Variants in NCKAP1 observed in about 807,000 individuals in gnomAD.
NCKAP1 encodes the protein nck-associated protein 1.
NCKAP1 carries 21 observed loss-of-function variants against 151.2 expected under a neutral mutation model. The ratio of observed to expected loss-of-function variants is 0.14; its 90% CI spans 0.10 to 0.20. NCKAP1 has a LOEUF of 0.20. Among genes scored for constraint, NCKAP1 ranks in the 10% least tolerant of loss-of-function variants. The probability of loss-of-function intolerance (pLI) is 1.00; values close to 1 mark genes in which losing one functional copy is unlikely to be tolerated. For synonymous variants in NCKAP1, 484 were observed against 451.8 expected, an observed-to-expected ratio of 1.07 and a Z score of -0.90; for missense variants, 933 against 1,352.1, an observed-to-expected ratio of 0.69 and a Z score of 4.86.
In NCKAP1 at chr2:182,994,896, G is replaced by A. The variant is rs1575054194; in HGVS notation, c.742-9C>T. On this transcript the variant is annotated splice_polypyrimidine_tract_variant and intron_variant, in intron 7 of 30. Transcript: ENST00000361354. Reference sequence around the variant, plus strand: ...AGGTATTCACAAGGCATCTTAAAAAGAGAATATATACATTTGCAGTTAAAA... The same window carrying A: ...AGGTATTCACAAGGCATCTTAAAAAAAGAATATATACATTTGCAGTTAAAA... The A allele has an allele frequency of 1.3e-6, 2 of 1,593,416 alleles. No individual in the cohort carries two copies. Among genetic ancestry groups the A allele is most frequent in the African/African-American group, 2.7e-5 (2 of 74,352 alleles).
chr2:182,987,739 A>T (rs185433051), intron 9 of NCKAP1, among the ~76,000 whole-genome samples: 35 of 152,278 alleles, frequency 2.3e-4, no homozygotes, highest in African/African-American at 8.2e-4. Context: ...CATCTTGCAC[A>T]TAATATTTCA....
intron 2 of NCKAP1, among the ~76,000 whole-genome samples, chr2:183,020,230 A>G (rs999589579): frequency 9.2e-5 from 14 of 152,048 alleles, no homozygotes; most frequent in African/African-American, 1.9e-4. Flanking sequence ...TGGGAGGCCA[A>G]TCTGGGAGGA....
At chr2:183,025,156 C>A (rs1352099248) in intron 1 of NCKAP1, among the ~76,000 whole-genome samples, 1 of 151,976 alleles carries the variant, frequency 6.6e-6, no homozygotes, top group Non-Finnish European at 1.5e-5. Flanking sequence ...TTCTAAGTAG[C>A]GAGTTTTAGT....
At chr2:183,029,589 A>G (rs1698966206) in intron 1 of NCKAP1, among the ~76,000 whole-genome samples, 1 of 152,144 alleles carries the variant, frequency 6.6e-6, no homozygotes, top group South Asian at 2.1e-4. Flanking sequence ...GCGGAGGCCA[A>G]GGCAGGAGAA....
chr2:182,991,761 C>T (rs1001834667), intron 8 of NCKAP1, among the ~76,000 whole-genome samples: 13 of 151,678 alleles, frequency 8.6e-5, no homozygotes, highest in African/African-American at 3.2e-4. Flanking sequence ...TAAAATTGGA[C>T]TATCAATATA....
intron 2 of NCKAP1, among the ~76,000 whole-genome samples, chr2:183,016,178 C>T (rs1274838384): frequency 6.6e-6 from 1 of 152,170 alleles, no homozygotes; most frequent in Non-Finnish European, 1.5e-5. Flanking sequence ...ATTCACTTTT[C>T]ATCCTAAATT....
In NCKAP1 at chr2:182,925,719, C is replaced by A; in HGVS notation, c.3370G>T (p.Val1124Phe). ...AGGTAATTTTATGCAGAAGATGTAA[C>A]ACTTTGTTTGTAGACAGCATGGTAT... Reference protein sequence around the residue: ...NAYHAVYKQSVTSSA With the variant: ...NAYHAVYKQSFTSSA The change falls in exon 31 of 31, where the codon GTT (valine) becomes TTT (phenylalanine). Residue 1124 changes from valine (V) to phenylalanine (F), a missense_variant. Val to Phe is a conservative substitution (Grantham distance 50, BLOSUM62 -1). Transcript: ENST00000361354. 1 of 1,559,132 alleles carries A rather than the reference C, an allele frequency of 6.4e-7. No individual in the cohort carries two copies. The highest frequency in any genetic ancestry group is 2.4e-5 in the East Asian group (1 of 41,996).
At chr2:182,941,907 T>G (rs1469909172) in intron 24 of NCKAP1, among the ~76,000 whole-genome samples, 163 bp downstream of exon 24, 2 of 152,138 alleles carry the variant, frequency 1.3e-5, no homozygotes, top group Non-Finnish European at 2.9e-5. Flanking sequence ...ACACACACAC[T>G]TATATGATCC....
Position 183,003,993 on chromosome 2 carries a change from AT to A in NCKAP1, c.220-669del, listed in dbSNP as rs575335769. 1.3e-4 allele frequency among the ~76,000 whole-genome samples: 20 copies of A among 152,286 alleles called. No homozygotes were observed. The South Asian group carries it at 3.7e-3, about 28-fold the overall frequency. The stretch of plus-strand genomic sequence containing the variant: ...CAAAAGTCCCAATTTTTCTTTTAAA[AT>A]CAACTATTGATATAATTTCTAAAAG... On this transcript the variant is annotated intron_variant, in intron 2 of 30. Coordinates refer to ENST00000361354, the MANE Select transcript of NCKAP1 (RefSeq NM_013436.5).
chr2:183,033,276 T>C (rs750750210), intron 1 of NCKAP1, among the ~76,000 whole-genome samples: 3 of 152,344 alleles, frequency 2.0e-5, no homozygotes, highest in Middle Eastern at 3.4e-3. Flanking sequence ...CCATCACAAG[T>C]TGGGGACCCT....
intron 8 of NCKAP1, among the ~76,000 whole-genome samples, chr2:182,994,491 T>C (rs1208009861): frequency 6.6e-6 from 1 of 151,838 alleles, no homozygotes; most frequent in Non-Finnish European, 1.5e-5. Context: ...ATACAAAAAT[T>C]AGCCAGGCAT....
Position 182,964,840 on chromosome 2 carries a change from T to A in NCKAP1, c.1629-32A>T, listed in dbSNP as rs554193334. 1.3e-4 allele frequency: 198 copies of A among 1,549,102 alleles called. 4 individuals carry two copies. Among genetic ancestry groups the A allele is most frequent in the Middle Eastern group, 1.2e-3 (6 of 5,064 alleles). On this transcript the variant is annotated intron_variant, in intron 16 of 30. Coordinates refer to ENST00000361354, the MANE Select transcript of NCKAP1 (RefSeq NM_013436.5). ...AAACAAAAATCAGAATCACAATTTT[T>A]ACATTTAAAGTAAGTTTTCTGATAT... is the stretch of plus-strand genomic sequence containing the variant.
rs1033154284 is a variant in NCKAP1 at position 182,920,597 on chromosome 2, G to A, written c.*5105C>T. The A allele has an allele frequency of 2.0e-5, 3 of 152,272 alleles. No individual in the cohort carries two copies. Among genetic ancestry groups the A allele is most frequent in the African/African-American group, 7.2e-5 (3 of 41,450 alleles). The allele number at this position is 152,272 out of a possible 1,614,324, so 9.4% of individuals were successfully genotyped here. On this transcript the variant is annotated 3_prime_UTR_variant, in exon 31 of 31. Transcript: ENST00000361354. ...CAATCAGTGTGCTGGCATATTTGGT[G>A]TTTGTGGAGGGTCTGCTTTCTGGTT...
intron 15 of NCKAP1, among the ~76,000 whole-genome samples, chr2:182,971,817 A>G (rs1442833434): frequency 6.6e-6 from 1 of 152,222 alleles, no homozygotes; most frequent in South Asian, 2.1e-4. Flanking sequence ...TGGGGAAAGG[A>G]CAGTCTCTTC....
intron 6 of NCKAP1, among the ~76,000 whole-genome samples, chr2:182,998,857 AGGGGGG>A (rs1698324811): frequency 2.0e-5 from 2 of 101,562 alleles, no homozygotes; most frequent in Non-Finnish European, 3.6e-5. Flanking sequence ...AAAAAAAAAA[AGGGGGG>A]AAGGAAGGAA....
Position 182,996,274 on chromosome 2 carries a change from A to G in NCKAP1, c.604-436T>C, listed in dbSNP as rs570260960. Reference sequence around the variant, plus strand: ...CAACATGCTTTATATTTCTCTAAAGAATGTCTTATAAAAATAATACACTGT... The same window carrying G: ...CAACATGCTTTATATTTCTCTAAAGGATGTCTTATAAAAATAATACACTGT... On this transcript the variant is annotated intron_variant, in intron 6 of 30. Coordinates refer to ENST00000361354, the MANE Select transcript of NCKAP1 (RefSeq NM_013436.5). Among the ~76,000 whole-genome samples the G allele has an allele frequency of 3.3e-5, 5 of 152,360 alleles. No homozygotes were observed. The East Asian group carries it at 9.6e-4, about 29-fold the overall frequency.
rs1698053254 is a variant in NCKAP1, at chr2:182,986,216, C to T, written c.959G>A (p.Arg320His). 1 of 1,613,236 alleles carries T rather than the reference C, an allele frequency of 6.2e-7. No individual in the cohort carries two copies. The highest frequency in any genetic ancestry group is 8.5e-7 in the Non-Finnish European group (1 of 1,179,424). ...LFVNIRGYNK[R>H]INDIRECKEA... ...CTTGCATTCTCTTATGTCATTAATA[C>T]GTTTATTATAGCTAGGTGCAAAAAC... The change falls in exon 10 of 31, where the codon CGT (arginine) becomes CAT (histidine). Residue 320 changes from arginine (R) to histidine (H), a missense_variant. This residue lies in a region of NCKAP1 where 607 missense variants were observed against 795.0 expected (regional missense o/e 0.76). Coordinates refer to ENST00000361354, the MANE Select transcript of NCKAP1 (RefSeq NM_013436.5).
At chr2:183,020,626 G>A (rs13010139) in intron 2 of NCKAP1, among the ~76,000 whole-genome samples, 16,558 of 151,932 alleles carry the variant, frequency 0.11, 1,353 homozygotes, top group African/African-American at 0.22. Context: ...GAAAAAGTAA[G>A]CATGTTCTGT....
At chr2:182,932,232 AT>A (rs1243907707) in intron 26 of NCKAP1, among the ~76,000 whole-genome samples, 1 of 152,228 alleles carries the variant, frequency 6.6e-6, no homozygotes, top group Non-Finnish European at 1.5e-5. Context: ...ATGTCCATCA[AT>A]TGATGTGAAT....
Sources: allele counts gnomAD v4.1 joint callset (sites outside exome capture counted in the v4.1 genomes callset), GRCh38; gene constraint gnomAD v4.1.1; regional missense constraint gnomAD v4.1.1; transcripts MANE v1.5; gene names NCBI Gene and HGNC (gene_info 2026-07-23, HGNC 2026-07-21).